KIAA1549L: variants seen among roughly 807,000 people sequenced by gnomAD.
The protein encoded by KIAA1549L is UPF0606 protein KIAA1549L.
KIAA1549L carries 88 observed loss-of-function variants against 160.7 expected under a neutral mutation model. That is an observed-to-expected ratio of 0.55 (90% CI 0.46 to 0.65). KIAA1549L has a LOEUF of 0.65. KIAA1549L is among the 30% of genes least tolerant of loss of function. KIAA1549L has a pLI of 0.00. For missense variants in KIAA1549L, 2,258 were observed against 2,437.5 expected, an observed-to-expected ratio of 0.93 and a Z score of 1.55; for synonymous variants, 950 against 976.7, an observed-to-expected ratio of 0.97 and a Z score of 0.51.
chr11:33,406,935 T>C (rs994349363), intron 1 of KIAA1549L, among the ~76,000 whole-genome samples: 6 of 152,170 alleles, frequency 3.9e-5, no homozygotes, highest in Non-Finnish European at 5.9e-5. Context: ...ATGTTCACGA[T>C]TCCTGTAAAT....
At chr11:33,607,252 C>T (rs555179787) in intron 14 of KIAA1549L, among the ~76,000 whole-genome samples, 351 of 152,180 alleles carry the variant, frequency 2.3e-3, no homozygotes, top group Non-Finnish European at 4.1e-3. Flanking sequence ...GGGATGTGGG[C>T]CACTCTGGGG....
intron 1 of KIAA1549L, among the ~76,000 whole-genome samples, chr11:33,390,611 A>T (rs905938381): frequency 1.3e-5 from 2 of 152,230 alleles, no homozygotes; most frequent in South Asian, 2.1e-4. Flanking sequence ...GGCACATGGT[A>T]TAAAAATGCC....
intron 9 of KIAA1549L, among the ~76,000 whole-genome samples, chr11:33,573,312 A>G (rs903508180): frequency 3.9e-5 from 6 of 152,160 alleles, no homozygotes; most frequent in Non-Finnish European, 8.8e-5. Flanking sequence ...CAGAGTTTAG[A>G]GTGAATCTGA....
Position 33,559,787 on chromosome 11 carries a change from G to C in KIAA1549L, c.3894G>C (p.Leu1298Phe). 6.2e-7 allele frequency: 1 copy of C among 1,613,966 alleles called. No homozygotes were observed. Among genetic ancestry groups the C allele is most frequent in the Non-Finnish European group, 8.5e-7 (1 of 1,179,854 alleles). Residue 1298 changes from leucine to phenylalanine, a missense_variant, in exon 7 of 21, where the codon TTG (leucine) becomes TTC (phenylalanine). Coordinates refer to ENST00000658780, the MANE Select transcript of KIAA1549L (RefSeq NM_012194.3). ...STSNASQAVT[L>F]VYVVGNQSTF... ...CCAATGCCTCCCAGGCAGTCACCTTGGTGTACGTCGTGGGCAATCAGAGCA... is the reference window on the plus strand; with the variant it reads ...CCAATGCCTCCCAGGCAGTCACCTTCGTGTACGTCGTGGGCAATCAGAGCA...
At position 33,591,099 on chromosome 11, in the gene KIAA1549L, G is replaced by A. The variant is rs1010699987; in HGVS notation, c.4567-138G>A. Reference sequence around the variant, plus strand: ...TTTTGAAGAGACGGAAATAATGATGGGGATTTGAGTTAACTCTTGTTTATT... The same window carrying A: ...TTTTGAAGAGACGGAAATAATGATGAGGATTTGAGTTAACTCTTGTTTATT... On this transcript the variant is annotated intron_variant, in intron 11 of 20. Coordinates refer to ENST00000658780, the MANE Select transcript of KIAA1549L (RefSeq NM_012194.3). The A allele has an allele frequency of 2.5e-5, 17 of 667,870 alleles. No individual in the cohort carries two copies. In the African/African-American group the frequency reaches 2.9e-4, roughly 12 times the overall value. The allele number at this position is 667,870 out of a possible 1,614,324, so 41.4% of individuals were successfully genotyped here.
chr11:33,522,060 T>A (rs1341100610), intron 1 of KIAA1549L, among the ~76,000 whole-genome samples: 1 of 152,220 alleles, frequency 6.6e-6, no homozygotes, highest in Non-Finnish European at 1.5e-5. Flanking sequence ...AAATAAATGC[T>A]ATTTTGATAT....
chr11:33,625,899 C>T (rs1178561268), intron 16 of KIAA1549L, among the ~76,000 whole-genome samples: 5 of 151,384 alleles, frequency 3.3e-5, no homozygotes, highest in South Asian at 2.1e-4. Flanking sequence ...TTAGGTCTAA[C>T]GTTTAAGTCT....
At chr11:33,613,812 G>A (rs920487742) in intron 15 of KIAA1549L, among the ~76,000 whole-genome samples, 2 of 152,056 alleles carry the variant, frequency 1.3e-5, no homozygotes, top group Non-Finnish European at 2.9e-5. Flanking sequence ...TCCAAATGTT[G>A]ACTCATCACT....
At chr11:33,606,586 G>A in intron 13 of KIAA1549L, 55 bp from the exon 14 acceptor site, 2 of 1,550,856 alleles carry the variant, frequency 1.3e-6, no homozygotes. Context: ...AAATTCTCCT[G>A]GGATCACACA....
intron 15 of KIAA1549L, among the ~76,000 whole-genome samples, chr11:33,610,768 AT>A (rs894351762): frequency 2.8e-4 from 42 of 152,352 alleles, no homozygotes; most frequent in African/African-American, 9.9e-4. Context: ...TTGTGCTGCT[AT>A]AACAGAATAC....
rs556992500 is a variant in KIAA1549L at position 33,586,200 on chromosome 11, G to T, written c.4566+2699G>T. ...GCCTTAGACTAGGAGGACAGTCCTG[G>T]GGACATCGCTGCATCTTTACAATTC... On this transcript the variant is annotated intron_variant, in intron 11 of 20. Coordinates refer to ENST00000658780, the MANE Select transcript of KIAA1549L (RefSeq NM_012194.3). Among the ~76,000 whole-genome samples the T allele has an allele frequency of 1.2e-3, 185 of 152,340 alleles. 1 individual carries two copies. Among genetic ancestry groups the T allele is most frequent in the Non-Finnish European group, 2.1e-3 (142 of 68,038 alleles).
At chr11:33,483,748 C>A (rs1852461782) in intron 1 of KIAA1549L, among the ~76,000 whole-genome samples, 1 of 152,160 alleles carries the variant, frequency 6.6e-6, no homozygotes, top group South Asian at 2.1e-4. Context: ...TAAGGGGAAA[C>A]CCCTTTCGCT....
chr11:33,426,788 G>C (rs1851125325), intron 1 of KIAA1549L, among the ~76,000 whole-genome samples: 1 of 152,190 alleles, frequency 6.6e-6, no homozygotes, highest in African/African-American at 2.4e-5. Context: ...CTCAGGTTCT[G>C]ACAGCTGTGC....
intron 11 of KIAA1549L, among the ~76,000 whole-genome samples, chr11:33,590,948 G>T (rs990899042): frequency 3.3e-5 from 5 of 152,140 alleles, no homozygotes; most frequent in African/African-American, 1.2e-4. Flanking sequence ...AAAATTCATG[G>T]TCTAAAATCT....
At chr11:33,649,233 G>T (rs1264911152) in intron 17 of KIAA1549L, among the ~76,000 whole-genome samples, 4 of 151,708 alleles carry the variant, frequency 2.6e-5, no homozygotes, top group Admixed American at 6.6e-5. Context: ...CTTACCCAAG[G>T]CTGGGCTTTG....
chr11:33,480,612 C>T (rs1219643243), intron 1 of KIAA1549L, among the ~76,000 whole-genome samples: 2 of 152,160 alleles, frequency 1.3e-5, no homozygotes, highest in Non-Finnish European at 2.9e-5. Context: ...TGTAACAAAG[C>T]TACAAGGGGT....
At chr11:33,553,461 A>C (rs1205978231) in intron 6 of KIAA1549L, among the ~76,000 whole-genome samples, 1 of 152,244 alleles carries the variant, frequency 6.6e-6, no homozygotes, top group African/African-American at 2.4e-5. Context: ...AGTGGTTTTA[A>C]AATGGACATT....
chr11:33,608,065 A>G (rs531362965), intron 14 of KIAA1549L, among the ~76,000 whole-genome samples: 5 of 152,250 alleles, frequency 3.3e-5, no homozygotes, highest in African/African-American at 1.2e-4. Flanking sequence ...TCTTTTACTT[A>G]CTACAGCCTA....
At chr11:33,489,581 C>G (rs1590282984) in intron 1 of KIAA1549L, among the ~76,000 whole-genome samples, 2 of 152,162 alleles carry the variant, frequency 1.3e-5, no homozygotes, top group African/African-American at 4.8e-5. Flanking sequence ...TCCATGTAGT[C>G]ATTCAGAGGC....
Sources: gnomAD v4.1 joint callset for allele counts (sites outside exome capture counted in the v4.1 genomes callset) on GRCh38, gnomAD v4.1.1 for gene constraint, MANE v1.5 for transcripts, NCBI Gene and HGNC (gene_info 2026-07-23, HGNC 2026-07-21) for gene names.